Variants in RBFOX1 observed in about 807,000 individuals in gnomAD.
RBFOX1 encodes RNA binding fox-1 homolog 1, also known as RNA binding protein fox-1 homolog 1.
Under a neutral mutation model 57.7 loss-of-function variants are expected in RBFOX1, and 8 were observed. That is an observed-to-expected ratio of 0.14 (90% CI 0.08 to 0.25). RBFOX1 has a LOEUF of 0.25. RBFOX1 is among the 10% of genes least tolerant of loss of function. RBFOX1 has a pLI of 1.00. For missense variants in RBFOX1, 611 were observed against 548.5 expected, an observed-to-expected ratio of 1.11 and a Z score of -1.14; for synonymous variants, 326 against 222.4, an observed-to-expected ratio of 1.47 and a Z score of -4.15.
chr16:7,609,747 C>T (rs8053004), intron 10 of RBFOX1, among the ~76,000 whole-genome samples: 50,522 of 151,962 alleles, frequency 0.33, 8,942 homozygotes, highest in African/African-American at 0.45. Context: ...ATTTTGAAAT[C>T]AGGCTTTGAT....
intron 1 of RBFOX1, among the ~76,000 whole-genome samples, chr16:6,262,299 C>A (rs1341115455): frequency 6.6e-6 from 1 of 152,140 alleles, no homozygotes; most frequent in Non-Finnish European, 1.5e-5. Context: ...CTGCATGTAC[C>A]AATTTCACTT....
intron 2 of RBFOX1, among the ~76,000 whole-genome samples, chr16:6,517,984 A>G (rs1012405947): frequency 6.6e-6 from 1 of 152,108 alleles, no homozygotes; most frequent in Non-Finnish European, 1.5e-5. Context: ...GAGACATGAG[A>G]CCCACTGAGT....
Position 6,944,658 on chromosome 16 carries a change from C to G in RBFOX1, c.-15-107399C>G, listed in dbSNP as rs1482425223. On this transcript the variant is annotated intron_variant, in intron 3 of 15. Transcript: ENST00000550418. The stretch of plus-strand genomic sequence containing the variant: ...TGGGGGTCTGGCCATGCATCACAGC[C>G]TAGAAAGTGCAGGAACCTGGGCTGA... Among the ~76,000 whole-genome samples, 4 of 152,098 alleles carry G rather than the reference C, an allele frequency of 2.6e-5. No individual in the cohort carries two copies. The East Asian group carries it at 7.7e-4, about 29-fold the overall frequency.
intron 4 of RBFOX1, among the ~76,000 whole-genome samples, chr16:7,387,994 A>G (rs553379015): frequency 2.6e-4 from 40 of 152,262 alleles, no homozygotes; most frequent in Admixed American, 6.5e-4. Flanking sequence ...TGTGGGGGGA[A>G]AAAGAGCAAA....
intron 3 of RBFOX1, among the ~76,000 whole-genome samples, chr16:7,023,982 A>G (rs775830303): frequency 2.6e-5 from 4 of 152,154 alleles, no homozygotes; most frequent in African/African-American, 4.8e-5. Context: ...ATGTTTTGAT[A>G]AGACAGCCAC....
At chr16:6,859,575 C>G (rs1333721478) in intron 3 of RBFOX1, among the ~76,000 whole-genome samples, 1 of 151,920 alleles carries the variant, frequency 6.6e-6, no homozygotes, top group East Asian at 1.9e-4. Flanking sequence ...TTTAGATGAG[C>G]CACACTTTGT....
At chr16:6,494,225 C>T (rs1194730454) in intron 2 of RBFOX1, among the ~76,000 whole-genome samples, 3 of 152,136 alleles carry the variant, frequency 2.0e-5, no homozygotes, top group Non-Finnish European at 4.4e-5. Context: ...TTGAATTTCC[C>T]TAAGGTTACT....
At chr16:6,548,975 T>G (rs1330034167) in intron 2 of RBFOX1, among the ~76,000 whole-genome samples, 2 of 150,486 alleles carry the variant, frequency 1.3e-5, no homozygotes, top group Non-Finnish European at 1.5e-5. Context: ...CTCAAGTGGC[T>G]GAGGCAGGAG....
intron 1 of RBFOX1, among the ~76,000 whole-genome samples, chr16:5,434,548 C>A (rs922611379): frequency 1.3e-5 from 2 of 151,886 alleles, no homozygotes; most frequent in African/African-American, 4.8e-5. Context: ...AAACTCCTGA[C>A]CTCAAGTGAT....
chr16:5,725,101 C>T (rs1047078120), intron 3 of RBFOX1, among the ~76,000 whole-genome samples: 1 of 152,118 alleles, frequency 6.6e-6, no homozygotes, highest in African/African-American at 2.4e-5. Context: ...TCTTTGTCCC[C>T]AGTACTAATA....
At chr16:7,238,280 A>G (rs529592264) in intron 4 of RBFOX1, among the ~76,000 whole-genome samples, 127 of 152,288 alleles carry the variant, frequency 8.3e-4, no homozygotes, top group African/African-American at 2.9e-3. Context: ...ATGGCTGTGC[A>G]ACACTGTGAA....
At chr16:7,446,792 C>G (rs113177944) in intron 4 of RBFOX1, among the ~76,000 whole-genome samples, 2 of 123,406 alleles carry the variant, frequency 1.6e-5, no homozygotes, top group Non-Finnish European at 3.3e-5. Flanking sequence ...CAAGGTAGGT[C>G]TAGGTATTTT....
intron 3 of RBFOX1, among the ~76,000 whole-genome samples, chr16:6,752,233 A>G (rs1384498601): frequency 2.0e-5 from 3 of 152,304 alleles, no homozygotes; most frequent in South Asian, 2.1e-4. Flanking sequence ...ATAGAAAAGT[A>G]TTAAAAATAT....
At chr16:6,264,052 A>C (rs2097717928) in intron 1 of RBFOX1, among the ~76,000 whole-genome samples, 1 of 152,134 alleles carries the variant, frequency 6.6e-6, no homozygotes, top group African/African-American at 2.4e-5. Context: ...CTGAGGGTGA[A>C]TTTGCAATGG....
At chr16:7,103,054 T>C (rs2062963899) in intron 4 of RBFOX1, among the ~76,000 whole-genome samples, 1 of 144,668 alleles carries the variant, frequency 6.9e-6, no homozygotes, top group Non-Finnish European at 1.5e-5. Flanking sequence ...TTTAATTCCC[T>C]AATTCTATCT....
intron 2 of RBFOX1, among the ~76,000 whole-genome samples, chr16:6,430,943 C>A (rs1348245474): frequency 3.2e-5 from 4 of 125,050 alleles, no homozygotes; most frequent in Non-Finnish European, 6.5e-5. Flanking sequence ...CCGGCATGGG[C>A]AACATAGTGA....
chr16:6,338,536 A>G (rs566162503), intron 2 of RBFOX1, among the ~76,000 whole-genome samples: 1 of 152,242 alleles, frequency 6.6e-6, no homozygotes, highest in Non-Finnish European at 1.5e-5. Flanking sequence ...ATTCTCATAC[A>G]GTTGAGCACT....
At chr16:6,152,966 G>T (rs865968613) in intron 1 of RBFOX1, among the ~76,000 whole-genome samples, 1 of 151,758 alleles carries the variant, frequency 6.6e-6, no homozygotes, top group Middle Eastern at 3.4e-3. Flanking sequence ...GTAGGTTCTG[G>T]ATCTAGGCCT....
intron 1 of RBFOX1, among the ~76,000 whole-genome samples, chr16:5,261,994 T>C (rs1159610528): frequency 6.6e-6 from 1 of 151,978 alleles, no homozygotes; most frequent in East Asian, 1.9e-4. Flanking sequence ...TTATACTCTT[T>C]TGATAATTTG....
Sources: allele counts gnomAD v4.1 joint callset (sites outside exome capture counted in the v4.1 genomes callset), GRCh38; gene constraint gnomAD v4.1.1; transcripts MANE v1.5; gene names NCBI Gene and HGNC (gene_info 2026-07-23, HGNC 2026-07-21).